The following FAM53B variants were observed in gnomAD, a reference collection of about 807,000 sequenced individuals.
The protein encoded by FAM53B is family with sequence similarity 53 member B.
FAM53B carries 12 observed loss-of-function variants against 32.7 expected under a neutral mutation model. The observed-to-expected ratio is 0.37, with a 90% CI of 0.24 to 0.59. FAM53B has a LOEUF of 0.59. Ranked by LOEUF, FAM53B falls within the 20% of genes least tolerant of loss-of-function variation. FAM53B has a pLI of 0.72. For missense variants in FAM53B, 477 were observed against 577.7 expected, an observed-to-expected ratio of 0.83 and a Z score of 1.79; for synonymous variants, 234 against 228.7, an observed-to-expected ratio of 1.02 and a Z score of -0.21.
chr10:124,637,981 T>G (rs2134042595), intron 4 of FAM53B, among the ~76,000 whole-genome samples: 1 of 152,310 alleles, frequency 6.6e-6, no homozygotes, highest in South Asian at 2.1e-4. Flanking sequence ...TGAGTGCCTC[T>G]GTGGGCTGCA....
intron 1 of FAM53B, among the ~76,000 whole-genome samples, chr10:124,724,193 G>A (rs1950088112): frequency 6.6e-6 from 1 of 152,240 alleles, no homozygotes; most frequent in Admixed American, 6.5e-5. Flanking sequence ...AGCGGCATGA[G>A]TGTTGGGCAG....
At chr10:124,735,503 A>G (rs1950168053) in intron 1 of FAM53B, among the ~76,000 whole-genome samples, 2 of 152,200 alleles carry the variant, frequency 1.3e-5, no homozygotes, top group Non-Finnish European at 2.9e-5. Context: ...GCTATCTGAG[A>G]GAGGAAGATG....
At chr10:124,707,146 G>A (rs1243992833) in intron 1 of FAM53B, among the ~76,000 whole-genome samples, 1 of 152,140 alleles carries the variant, frequency 6.6e-6, no homozygotes, top group African/African-American at 2.4e-5. Flanking sequence ...CCAGCCGCAT[G>A]ATACCTTTAA....
intron 4 of FAM53B, among the ~76,000 whole-genome samples, chr10:124,678,020 G>A (rs1159306280): frequency 1.3e-5 from 2 of 152,202 alleles, no homozygotes; most frequent in Non-Finnish European, 2.9e-5. Context: ...CAAAAGAAAA[G>A]CAAAGAGGCA....
chr10:124,639,377 C>T (rs770441308), intron 4 of FAM53B, among the ~76,000 whole-genome samples: 4 of 152,194 alleles, frequency 2.6e-5, no homozygotes, highest in Non-Finnish European at 4.4e-5. Context: ...GCATGCAGCC[C>T]GGGGCATGCT....
At chr10:124,699,264 C>T (rs532171511) in intron 2 of FAM53B, among the ~76,000 whole-genome samples, 1 of 152,374 alleles carries the variant, frequency 6.6e-6, no homozygotes, top group South Asian at 2.1e-4. Context: ...TGGCTACAGC[C>T]ACCTGTCAGC....
intron 1 of FAM53B, among the ~76,000 whole-genome samples, chr10:124,726,549 C>A (rs1950105037): frequency 6.6e-6 from 1 of 152,204 alleles, no homozygotes; most frequent in African/African-American, 2.4e-5. Flanking sequence ...AATGGATTGA[C>A]AAGCTACATT....
chr10:124,626,457 G>A (rs186234401), intron 4 of FAM53B, among the ~76,000 whole-genome samples: 21 of 151,370 alleles, frequency 1.4e-4, no homozygotes, highest in African/African-American at 5.1e-4. Context: ...GTCATGTAGG[G>A]GCCTTCACAG....
intron 4 of FAM53B, among the ~76,000 whole-genome samples, chr10:124,649,510 T>C (rs1336994714): frequency 2.6e-5 from 4 of 152,220 alleles, no homozygotes; most frequent in South Asian, 2.1e-4. Flanking sequence ...TCTCCCAACA[T>C]GTCTGCCCTC....
In FAM53B at chr10:124,684,444, G is replaced by A. The variant is rs537156806; in HGVS notation, c.134-2065C>T. Among the ~76,000 whole-genome samples, 58 of 152,288 alleles carry A rather than the reference G, an allele frequency of 3.8e-4. No homozygotes were observed. The South Asian group carries it at 0.011, about 29-fold the overall frequency. On this transcript the variant is annotated intron_variant, in intron 3 of 4. Transcript: ENST00000337318. Reference sequence around the variant, plus strand: ...CCACCAAGGAAACCATTCCCTTTGGGTATTCACCATTCTATTAAATCAGTT... The same window carrying A: ...CCACCAAGGAAACCATTCCCTTTGGATATTCACCATTCTATTAAATCAGTT...
intron 1 of FAM53B, among the ~76,000 whole-genome samples, chr10:124,707,666 G>A (rs905205109): frequency 2.0e-5 from 3 of 152,196 alleles, no homozygotes; most frequent in African/African-American, 4.8e-5. Context: ...TTGAACCTGG[G>A]AGGCAGAGGT....
intron 3 of FAM53B, among the ~76,000 whole-genome samples, chr10:124,691,472 G>A (rs1051559935): frequency 1.3e-5 from 2 of 152,156 alleles, no homozygotes; most frequent in South Asian, 2.1e-4. Context: ...AAGTAATTAT[G>A]GGTTTCCATC....
chr10:124,729,636 T>G (rs778086638), intron 1 of FAM53B, among the ~76,000 whole-genome samples: 1 of 152,220 alleles, frequency 6.6e-6, no homozygotes, highest in African/African-American at 2.4e-5. Flanking sequence ...TTGTGCAGAC[T>G]GTAACCATGT....
Position 124,706,904 on chromosome 10 carries a change from A to C in FAM53B, c.-174-17T>G. 1.4e-6 allele frequency: 2 copies of C among 1,431,408 alleles called. No homozygotes were observed. Among genetic ancestry groups the C allele is most frequent in the Non-Finnish European group, 1.8e-6 (2 of 1,096,148 alleles). 88.7% of individuals were successfully genotyped at this position (1,431,408 alleles called of 1,614,324 possible). On this transcript the variant is annotated splice_polypyrimidine_tract_variant and intron_variant, in intron 1 of 4. Transcript: ENST00000337318. Reference sequence around the variant, plus strand: ...GTCAACTCCCTGGAAAGACAAAAGAAAAGCAAAAAGATTCAGGACTAAGAA... The same window carrying C: ...GTCAACTCCCTGGAAAGACAAAAGACAAGCAAAAAGATTCAGGACTAAGAA...
intron 2 of FAM53B, among the ~76,000 whole-genome samples, chr10:124,697,168 C>T (rs563998989): frequency 1.9e-4 from 29 of 152,278 alleles, no homozygotes; most frequent in Admixed American, 1.8e-3. Flanking sequence ...CACTCACTCG[C>T]CCACTCGCTC....
chr10:124,667,909 C>T (rs1314350891), intron 4 of FAM53B, among the ~76,000 whole-genome samples: 2 of 152,184 alleles, frequency 1.3e-5, no homozygotes, highest in African/African-American at 2.4e-5. Context: ...ACTCCCACGA[C>T]ATGGGGAGGA....
intron 4 of FAM53B, among the ~76,000 whole-genome samples, chr10:124,665,963 C>A (rs887150060): frequency 1.3e-5 from 2 of 152,240 alleles, no homozygotes; most frequent in Admixed American, 6.5e-5. Context: ...GTAGCCTGCA[C>A]CTACCTTGCA....
chr10:124,700,378 C>T (rs1351218886), intron 2 of FAM53B, among the ~76,000 whole-genome samples: 1 of 149,126 alleles, frequency 6.7e-6, no homozygotes, highest in African/African-American at 2.4e-5. Flanking sequence ...CCCACCAGGC[C>T]GAGGGAACCC....
In FAM53B at chr10:124,733,784, TG is replaced by T. The variant is rs1292219553; in HGVS notation, c.-175+10228del. ...GAAGGTCACTCCAAGGTCAAAAGGC[TG>T]GGCCCCTGGGCAGTGTCACCCCGAA... On this transcript the variant is annotated intron_variant, in intron 1 of 4. Transcript: ENST00000337318. The surrounding 1 kb of genome is among the most constrained non-coding windows in gnomAD (Gnocchi z 4.3). 6.6e-6 allele frequency among the ~76,000 whole-genome samples: 1 copy of T among 152,336 alleles called. No homozygotes were observed. Among genetic ancestry groups the T allele is most frequent in the East Asian group, 1.9e-4 (1 of 5,178 alleles).
Sources: allele counts gnomAD v4.1 joint callset (sites outside exome capture counted in the v4.1 genomes callset), GRCh38; gene constraint gnomAD v4.1.1; non-coding constraint Gnocchi (gnomAD v3.1); transcripts MANE v1.5; gene names NCBI Gene and HGNC (gene_info 2026-07-23, HGNC 2026-07-21).